Variants in SFXN5 observed in about 807,000 individuals in gnomAD.
SFXN5 encodes the protein sideroflexin 5.
SFXN5 carries 43 observed loss-of-function variants against 50.2 expected under a neutral mutation model. The observed-to-expected ratio is 0.86, with a 90% CI of 0.67 to 1.11. The LOEUF (loss-of-function observed/expected upper bound fraction) is 1.11, where lower values mean the gene tolerates loss of function less well. Ranked by LOEUF, SFXN5 falls within the 50% of genes least tolerant of loss-of-function variation. The pLI is 0.00. For synonymous variants in SFXN5, 203 were observed against 185.8 expected (o/e 1.09, Z -0.75); for missense variants, 463 against 454.1 (o/e 1.02, Z -0.18).
intron 3 of SFXN5, among the ~76,000 whole-genome samples, chr2:73,034,096 G>A (rs1313525294): frequency 6.6e-6 from 1 of 152,182 alleles, no homozygotes; most frequent in Non-Finnish European, 1.5e-5. Flanking sequence ...GGTAGTATAG[G>A]CAGATCATCC....
chr2:72,962,586 C>A (rs537187259), intron 12 of SFXN5, among the ~76,000 whole-genome samples: 1 of 152,332 alleles, frequency 6.6e-6, no homozygotes, highest in Non-Finnish European at 1.5e-5. Context: ...AAATGGTGAT[C>A]CCAGACCACA....
At chr2:72,981,117 C>T (rs1289149008) in intron 10 of SFXN5, 1 of 152,178 alleles carries the variant, frequency 6.6e-6, no homozygotes, top group Non-Finnish European at 1.5e-5. Context: ...TCCCTCAAAT[C>T]CAGGAGTCAG....
chr2:72,969,245 C>T (rs1018744034), intron 11 of SFXN5, among the ~76,000 whole-genome samples: 1 of 152,214 alleles, frequency 6.6e-6, no homozygotes, highest in African/African-American at 2.4e-5. Context: ...GTGGGCACAA[C>T]CTCCCATACT....
intron 5 of SFXN5, 23 bp from the exon 6 acceptor site, chr2:73,020,287 C>T (rs372297688): frequency 1.2e-6 from 2 of 1,613,650 alleles, no homozygotes; most frequent in African/African-American, 2.7e-5. Flanking sequence ...AGAAAAGAGT[C>T]AGGCCTTATA....
chr2:73,042,868 G>C (rs1234570271), intron 2 of SFXN5, among the ~76,000 whole-genome samples: 2 of 151,928 alleles, frequency 1.3e-5, no homozygotes, highest in Non-Finnish European at 1.5e-5. Context: ...TGGATCACTT[G>C]AAGCCAGGAG....
chr2:73,047,241 A>ATATATATATATAC (rs1427250271), intron 2 of SFXN5, among the ~76,000 whole-genome samples: 1 of 25,046 alleles, frequency 4.0e-5, no homozygotes, highest in Non-Finnish European at 8.1e-5. Flanking sequence ...AAAAAAAAAA[A>ATATATATATATAC]AAAAATATAT....
intron 10 of SFXN5, among the ~76,000 whole-genome samples, chr2:72,985,698 G>A (rs72918397): frequency 0.054 from 8,213 of 152,242 alleles, 709 homozygotes; most frequent in African/African-American, 0.18. Flanking sequence ...GACTGTCAGG[G>A]CTTAAACCAC....
At position 73,022,561 on chromosome 2, in the gene SFXN5, C is replaced by A; in HGVS notation, c.292G>T (p.Asp98Tyr). ...GGCATGAAGATCTTCTCATTGGTGT[C>A]CGGATGTAGAATAGCCTGGCAAAAG... is the stretch of plus-strand genomic sequence containing the variant. The part of the protein sequence containing the change: ...QKIKQAILHP[D>Y]TNEKIFMPFR... Residue 98 changes from aspartate (D) to tyrosine (Y), a missense_variant, in exon 5 of 14, where the codon GAC (aspartate) becomes TAC (tyrosine). Asp to Tyr is a radical substitution (Grantham distance 160, BLOSUM62 -3). Transcript: ENST00000272433. 6.6e-7 allele frequency: 1 copy of A among 1,509,752 alleles called. No homozygotes were observed. The allele number at this position is 1,509,752 out of a possible 1,614,324, so 93.5% of individuals were successfully genotyped here.
chr2:73,004,425 A>C (rs758757653), intron 6 of SFXN5, among the ~76,000 whole-genome samples: 3 of 152,152 alleles, frequency 2.0e-5, no homozygotes, highest in Non-Finnish European at 4.4e-5. Context: ...CCGAGGCTTG[A>C]AAATGACAAG....
chr2:73,043,481 C>T (rs1444606173), intron 2 of SFXN5, among the ~76,000 whole-genome samples: 1 of 152,226 alleles, frequency 6.6e-6, no homozygotes, highest in African/African-American at 2.4e-5. Flanking sequence ...ATGTGAAACA[C>T]CGTGGTGGCC....
chr2:72,972,322 C>T (rs1670107630), intron 10 of SFXN5, among the ~76,000 whole-genome samples: 1 of 152,220 alleles, frequency 6.6e-6, no homozygotes, highest in Non-Finnish European at 1.5e-5. Flanking sequence ...GGCTACAGTG[C>T]CTCTGCCTCT....
In SFXN5 at chr2:72,960,745, C is replaced by A. The variant is rs1366623072; in HGVS notation, c.945+386G>T. 1.3e-5 allele frequency among the ~76,000 whole-genome samples: 2 copies of A among 152,166 alleles called. No individual in the cohort carries two copies. Among genetic ancestry groups the A allele is most frequent in the Non-Finnish European group, 2.9e-5 (2 of 68,030 alleles). On this transcript the variant is annotated intron_variant, in intron 13 of 13. Coordinates refer to ENST00000272433, the MANE Select transcript of SFXN5 (RefSeq NM_144579.3). This position sits in a 1 kb window ranked among gnomAD's most constrained non-coding sequence, Gnocchi z 6.1. ...CTTGGACATGGCGTGTGCTGCCTCA[C>A]CTCTCAGAACCTTCACACCAGGTGT... is the stretch of plus-strand genomic sequence containing the variant.
chr2:73,010,526 C>A (rs1227125818), intron 6 of SFXN5, among the ~76,000 whole-genome samples: 1 of 152,176 alleles, frequency 6.6e-6, no homozygotes, highest in Non-Finnish European at 1.5e-5. Flanking sequence ...TATCTCCAAA[C>A]TTCTTTGACA....
chr2:73,003,881 C>T (rs1674250339), intron 6 of SFXN5, among the ~76,000 whole-genome samples: 1 of 152,200 alleles, frequency 6.6e-6, no homozygotes, highest in South Asian at 2.1e-4. Context: ...GCATCCCAAC[C>T]TCCTACCCTA....
chr2:73,004,250 T>C (rs926476887), intron 6 of SFXN5, among the ~76,000 whole-genome samples: 6 of 151,124 alleles, frequency 4.0e-5, no homozygotes, highest in African/African-American at 1.5e-4. Context: ...GAGGAGCTGC[T>C]TCTACGTACC....
At chr2:73,063,844 G>A (rs946960080) in intron 1 of SFXN5, among the ~76,000 whole-genome samples, 1 of 152,176 alleles carries the variant, frequency 6.6e-6, no homozygotes, top group Non-Finnish European at 1.5e-5. Flanking sequence ...GAATGGCAAG[G>A]AAGGTTATAC....
chr2:72,981,911 T>G (rs1394253076), intron 10 of SFXN5, among the ~76,000 whole-genome samples: 5 of 152,120 alleles, frequency 3.3e-5, no homozygotes, highest in African/African-American at 1.2e-4. Flanking sequence ...TTTAGAGAGA[T>G]TATCGAATGG....
chr2:73,043,846 C>T (rs1377665126), intron 2 of SFXN5, among the ~76,000 whole-genome samples: 3 of 152,192 alleles, frequency 2.0e-5, no homozygotes, highest in Non-Finnish European at 4.4e-5. Flanking sequence ...TCCTTCTAGA[C>T]ATAATACGCT....
chr2:73,054,029 G>A (rs1396286983), intron 2 of SFXN5, among the ~76,000 whole-genome samples: 5 of 152,184 alleles, frequency 3.3e-5, no homozygotes. Flanking sequence ...CCATTGCATT[G>A]ATGGAGATGA....
Sources: gnomAD v4.1 joint callset for allele counts (sites outside exome capture counted in the v4.1 genomes callset) on GRCh38, gnomAD v4.1.1 for gene constraint, Gnocchi (gnomAD v3.1) non-coding constraint, MANE v1.5 for transcripts, NCBI Gene and HGNC (gene_info 2026-07-23, HGNC 2026-07-21) for gene names.